The following INPP4B variants were observed in gnomAD, a reference collection of about 807,000 sequenced individuals.
INPP4B encodes inositol polyphosphate-4-phosphatase type II B.
A neutral mutation model predicts 122.5 loss-of-function variants in INPP4B; 55 were observed. The ratio of observed to expected loss-of-function variants is 0.45; its 90% CI spans 0.36 to 0.56. The LOEUF (loss-of-function observed/expected upper bound fraction) is 0.56. INPP4B is among the 20% of genes least tolerant of loss of function. INPP4B has a pLI of 0.00. For synonymous variants in INPP4B, 403 were observed against 388.7 expected, an observed-to-expected ratio of 1.04 and a Z score of -0.43; for missense variants, 1,000 against 1,097.7, an observed-to-expected ratio of 0.91 and a Z score of 1.26.
intron 2 of INPP4B, among the ~76,000 whole-genome samples, chr4:142,497,198 C>G (rs932058888): frequency 6.6e-6 from 1 of 152,068 alleles, no homozygotes; most frequent in African/African-American, 2.4e-5. Context: ...ACTTTATTAG[C>G]CACGTCACAT....
At chr4:142,740,330 G>A (rs936163338) in intron 1 of INPP4B, among the ~76,000 whole-genome samples, 1 of 151,998 alleles carries the variant, frequency 6.6e-6, no homozygotes. Context: ...AAACTACATT[G>A]TGCTCAATAA....
chr4:142,039,524 A>G (rs1746012112), intron 25 of INPP4B, among the ~76,000 whole-genome samples: 2 of 152,108 alleles, frequency 1.3e-5, no homozygotes, highest in Non-Finnish European at 2.9e-5. Context: ...TTTCGGAAGT[A>G]CCTATGGCCA....
At chr4:142,424,904 T>C (rs3775715) in intron 5 of INPP4B, among the ~76,000 whole-genome samples, 1 of 152,166 alleles carries the variant, frequency 6.6e-6, no homozygotes, top group East Asian at 1.9e-4. Context: ...TTATTTTTTG[T>C]GATAATTTTT....
At chr4:142,691,130 C>T (rs1760113356) in intron 2 of INPP4B, among the ~76,000 whole-genome samples, 1 of 152,090 alleles carries the variant, frequency 6.6e-6, no homozygotes, top group Non-Finnish European at 1.5e-5. Context: ...CTCAGCCCCC[C>T]AATGTGTCTC....
At chr4:142,376,056 A>T (rs1186782069) in intron 7 of INPP4B, among the ~76,000 whole-genome samples, 2 of 152,018 alleles carry the variant, frequency 1.3e-5, no homozygotes, top group Non-Finnish European at 2.9e-5. Flanking sequence ...ATGAAAATCA[A>T]ATTGATATAA....
intron 14 of INPP4B, among the ~76,000 whole-genome samples, chr4:142,198,288 T>C (rs763529185): frequency 2.0e-5 from 3 of 152,054 alleles, no homozygotes; most frequent in Non-Finnish European, 4.4e-5. Flanking sequence ...AAAATTTCTG[T>C]ATTAGAATTG....
At chr4:142,735,474 T>C (rs1177997751) in intron 1 of INPP4B, among the ~76,000 whole-genome samples, 1 of 152,238 alleles carries the variant, frequency 6.6e-6, no homozygotes, top group Non-Finnish European at 1.5e-5. Context: ...CTGTCTTGCA[T>C]ATTAAATACT....
chr4:142,433,420 A>G (rs1215007986), intron 3 of INPP4B, among the ~76,000 whole-genome samples: 1 of 152,164 alleles, frequency 6.6e-6, no homozygotes, highest in Non-Finnish European at 1.5e-5. Context: ...AATGGTCATC[A>G]TACTCAGAAA....
At chr4:142,194,666 GGGACTTCTGGCTTC>G (rs2149375934) in intron 14 of INPP4B, among the ~76,000 whole-genome samples, 1 of 152,260 alleles carries the variant, frequency 6.6e-6, no homozygotes, top group South Asian at 2.1e-4. Context: ...TTTACACTCA[GGGACTTCTGGCTTC>G]TAACTCAGTG....
intron 25 of INPP4B, among the ~76,000 whole-genome samples, chr4:142,044,229 T>A (rs944041703): frequency 2.0e-5 from 3 of 152,178 alleles, no homozygotes; most frequent in African/African-American, 7.2e-5. Context: ...CTATTCCTTA[T>A]ATTTCATGCA....
At chr4:142,307,148 G>A in intron 8 of INPP4B, among the ~76,000 whole-genome samples, 1 of 152,180 alleles carries the variant, frequency 6.6e-6, no homozygotes, top group Non-Finnish European at 1.5e-5. Context: ...AAGTTTGTGA[G>A]CTGTATCAGC....
chr4:142,744,953 A>C (rs1409541163), intron 1 of INPP4B, among the ~76,000 whole-genome samples: 1 of 151,836 alleles, frequency 6.6e-6, no homozygotes, highest in Non-Finnish European at 1.5e-5. Flanking sequence ...AAAGATGTGC[A>C]AAAGAAGGTA....
chr4:142,832,411 C>T (rs970165294), intron 1 of INPP4B, among the ~76,000 whole-genome samples: 4 of 152,112 alleles, frequency 2.6e-5, no homozygotes, highest in African/African-American at 9.7e-5. Context: ...TGTATATGTT[C>T]AATAGATTGA....
chr4:142,404,336 C>A (rs1802623299), intron 6 of INPP4B, among the ~76,000 whole-genome samples: 1 of 152,130 alleles, frequency 6.6e-6, no homozygotes, highest in Non-Finnish European at 1.5e-5. Flanking sequence ...TAGGTTCTTA[C>A]AGAGAAACTC....
At chr4:142,799,945 A>G (rs1376491368) in intron 1 of INPP4B, among the ~76,000 whole-genome samples, 3 of 152,076 alleles carry the variant, frequency 2.0e-5, no homozygotes, top group African/African-American at 7.2e-5. Flanking sequence ...ACTCTTATAC[A>G]TAAAATCTTT....
chr4:142,208,784 TA>T, intron 13 of INPP4B, 111 bp downstream of exon 13: 1 of 820,254 alleles, frequency 1.2e-6, no homozygotes. Context: ...AAAAGAGTTT[TA>T]AAAAATCTCC....
chr4:142,360,915 A>G (rs1464703312), intron 7 of INPP4B, among the ~76,000 whole-genome samples: 2 of 151,966 alleles, frequency 1.3e-5, no homozygotes, highest in Non-Finnish European at 2.9e-5. Flanking sequence ...CCAAGGGCAA[A>G]TATTTATATA....
intron 2 of INPP4B, among the ~76,000 whole-genome samples, chr4:142,672,540 T>A (rs1295766063): frequency 6.6e-6 from 1 of 152,166 alleles, no homozygotes; most frequent in African/African-American, 2.4e-5. Flanking sequence ...TGTACTTATT[T>A]TCCATCTTTA....
At chr4:142,682,682 T>C (rs1758808470) in intron 2 of INPP4B, among the ~76,000 whole-genome samples, 1 of 151,926 alleles carries the variant, frequency 6.6e-6, no homozygotes, top group Non-Finnish European at 1.5e-5. Context: ...AGTATTAATA[T>C]GTGAAGTTAA....
Sources: gnomAD v4.1 joint callset for allele counts (sites outside exome capture counted in the v4.1 genomes callset) on GRCh38, gnomAD v4.1.1 for gene constraint, MANE v1.5 for transcripts, NCBI Gene and HGNC (gene_info 2026-07-23, HGNC 2026-07-21) for gene names.